The following CFAP44 variants were observed in gnomAD, a reference collection of about 807,000 sequenced individuals.
The protein encoded by CFAP44 is cilia and flagella associated protein 44.
Under a neutral mutation model 216.2 loss-of-function variants are expected in CFAP44, and 134 were observed. The observed-to-expected ratio is 0.62, with a 90% CI of 0.54 to 0.72. The LOEUF is 0.72. Among genes scored for constraint, CFAP44 ranks in the 30% least tolerant of loss-of-function variants. The pLI, the probability that CFAP44 is intolerant of heterozygous loss-of-function variation, is 0.00. For synonymous variants in CFAP44, 700 were observed against 727.6 expected, an observed-to-expected ratio of 0.96 and a Z score of 0.61; for missense variants, 2,035 against 2,182.1, an observed-to-expected ratio of 0.93 and a Z score of 1.34.
chr3:113,369,914 C>T (rs929873869), intron 18 of CFAP44, among the ~76,000 whole-genome samples: 1 of 152,144 alleles, frequency 6.6e-6, no homozygotes, highest in Non-Finnish European at 1.5e-5. Flanking sequence ...ACTGATCCCA[C>T]AGAAATACAA....
chr3:113,306,252 T>C lies in CFAP44; in HGVS notation c.4707A>G (p.Glu1569=). ...TTTTGAGGTTATCAACAATTTTCTT[T>C]TCTTCAACTAAAGCCTCCTCAATGT... is the stretch of plus-strand genomic sequence containing the variant. ...RLDIEEALVE[E]KKIVDNLKKE... is the part of the protein sequence containing the mutation. The change falls in exon 30 of 35, where the codon GAA becomes GAG. Residue 1569 remains glutamate, a synonymous_variant. Coordinates refer to ENST00000393845, the MANE Select transcript of CFAP44 (RefSeq NM_001164496.2). The C allele has an allele frequency of 1.3e-6, 2 of 1,537,084 alleles. No individual in the cohort carries two copies. The highest frequency in any genetic ancestry group is 8.7e-7 in the Non-Finnish European group (1 of 1,146,764).
rs76578466 is a variant in CFAP44, at chr3:113,395,096, A to G, written c.1890+654T>C. Among the ~76,000 whole-genome samples, 1,355 of 152,280 alleles carry G rather than the reference A, an allele frequency of 8.9e-3. 26 individuals are homozygous for G. The highest frequency in any genetic ancestry group is 0.031 in the African/African-American group (1,301 of 41,554). The stretch of plus-strand genomic sequence containing the variant: ...TAGAAAAGCTTAAAGTGGATTACCA[A>G]CGTTACTCCAATAATCCTGATGGCA... On this transcript the variant is annotated intron_variant, in intron 15 of 34. Transcript: ENST00000393845.
In CFAP44 at chr3:113,351,931, C is replaced by T. The variant is rs138323865; in HGVS notation, c.3065+6814G>A. 2.4e-3 allele frequency among the ~76,000 whole-genome samples: 369 copies of T among 152,274 alleles called. 3 individuals are homozygous for T. Among genetic ancestry groups the T allele is most frequent in the African/African-American group, 8.2e-3 (341 of 41,548 alleles). On this transcript the variant is annotated intron_variant, in intron 22 of 34. Transcript: ENST00000393845. ...CTCCTGGATTGACCCACTGGCCCTT[C>T]GGCTGACCTAGAGAGTTACCCTCTG...
rs1329830770 is a variant in CFAP44 at position 113,427,304 on chromosome 3, C to T, written c.136G>A (p.Asp46Asn). 6.2e-7 allele frequency: 1 copy of T among 1,611,674 alleles called. No homozygotes were observed. The highest frequency in any genetic ancestry group is 8.5e-7 in the Non-Finnish European group (1 of 1,179,094). Residue 46 changes from aspartate to asparagine, a missense_variant, in exon 3 of 35, where the codon GAC becomes AAC. By Grantham distance (23) the Asp-to-Asn change is conservative. Transcript: ENST00000393845. Reference protein sequence around the residue: ...VQEDNTFLEDDTDETFTKGEG... With the variant: ...VQEDNTFLEDNTDETFTKGEG... ...CCTTTGGTAAATGTTTCATCTGTGT[C>T]ATCTTCTAAAAATGTGTTATCTTCT...
chr3:113,332,488 T>C (rs184286585), intron 25 of CFAP44, among the ~76,000 whole-genome samples: 2 of 152,328 alleles, frequency 1.3e-5, no homozygotes, highest in Admixed American at 1.3e-4. Context: ...AATATAACCA[T>C]GATGTGATTG....
At chr3:113,408,256 G>C (rs1293048886) in intron 7 of CFAP44, among the ~76,000 whole-genome samples, 1 of 152,190 alleles carries the variant, frequency 6.6e-6, no homozygotes, top group Non-Finnish European at 1.5e-5. Context: ...AAGAAAGAGA[G>C]AGAAAGACAA....
At chr3:113,374,236 C>T (rs972377277) in intron 17 of CFAP44, among the ~76,000 whole-genome samples, 3 of 151,852 alleles carry the variant, frequency 2.0e-5, no homozygotes, top group African/African-American at 7.3e-5. Flanking sequence ...ACAACCAGAA[C>T]AAATTTTGTA....
chr3:113,341,851 T>G lies in CFAP44; in HGVS notation c.3330A>C (p.Leu1110=). The stretch of plus-strand genomic sequence containing the variant: ...TTTGATTTTCCACGATGATTTCACT[T>G]AGGGTTTTAGGCCGAAATTTCTTCC... ...EKGKKFRPKT[L]SEIIVENQIE... Residue 1110 remains leucine, a synonymous_variant, in exon 24 of 35, where the codon CTA becomes CTC. Coordinates refer to ENST00000393845, the MANE Select transcript of CFAP44 (RefSeq NM_001164496.2). 1 of 1,533,370 alleles carries G rather than the reference T, an allele frequency of 6.5e-7. No homozygotes were observed. The highest frequency in any genetic ancestry group is 1.2e-5 in the South Asian group (1 of 82,354). 95.0% of individuals were successfully genotyped at this position (1,533,370 alleles called of 1,614,324 possible).
intron 15 of CFAP44, among the ~76,000 whole-genome samples, chr3:113,389,366 G>A (rs1475850935): frequency 6.6e-6 from 1 of 152,022 alleles, no homozygotes; most frequent in Non-Finnish European, 1.5e-5. Flanking sequence ...ATGGTATACG[G>A]TGAAAGCAGT....
At chr3:113,353,581 C>G (rs565849030) in intron 22 of CFAP44, among the ~76,000 whole-genome samples, 2 of 152,140 alleles carry the variant, frequency 1.3e-5, no homozygotes, top group East Asian at 3.9e-4. Context: ...AACTTCTTCA[C>G]CACTTTCATC....
intron 24 of CFAP44, among the ~76,000 whole-genome samples, chr3:113,341,217 C>A (rs1303076738): frequency 1.3e-5 from 2 of 152,004 alleles, no homozygotes; most frequent in Non-Finnish European, 2.9e-5. Flanking sequence ...CCTGTCCTCA[C>A]CTAGGTCCGT....
chr3:113,364,927 A>T lies in CFAP44; in HGVS notation c.2715+1112T>A, dbSNP rs562986652. On this transcript the variant is annotated intron_variant, in intron 19 of 34. Transcript: ENST00000393845. Reference sequence around the variant, plus strand: ...TTAGTTGTTTTCTGTTGTTTTTTTTAAAAAAAATCTTTCTCATTTTTTCTT... The same window carrying T: ...TTAGTTGTTTTCTGTTGTTTTTTTTTAAAAAAATCTTTCTCATTTTTTCTT... 6.6e-4 allele frequency among the ~76,000 whole-genome samples: 98 copies of T among 148,530 alleles called. 1 individual carries two copies. The highest frequency in any genetic ancestry group is 6.8e-3 in the Middle Eastern group (2 of 292).
chr3:113,300,464 A>G (rs911274768), intron 32 of CFAP44, among the ~76,000 whole-genome samples: 3 of 129,592 alleles, frequency 2.3e-5, no homozygotes, highest in African/African-American at 8.4e-5. Flanking sequence ...AGAATATCCC[A>G]TATATCTTAT....
At chr3:113,375,142 T>C (rs1183070781) in intron 17 of CFAP44, among the ~76,000 whole-genome samples, 4 of 109,994 alleles carry the variant, frequency 3.6e-5, no homozygotes, top group African/African-American at 1.9e-4. Flanking sequence ...GTCAAAATCA[T>C]AAGAAAGAAA....
At chr3:113,328,308 C>CTTTTTTTTTTTTTTTTTTTTTTTTTTT (rs1553753817) in intron 26 of CFAP44, among the ~76,000 whole-genome samples, 2 of 148,928 alleles carry the variant, frequency 1.3e-5, no homozygotes, top group East Asian at 2.0e-4. Flanking sequence ...CAATCTCTTT[C>CTTTTTTTTTTTTTTTTTTTTTTTTTTT]TAAGATTGAA....
At chr3:113,403,737 G>T in intron 9 of CFAP44, 115 bp downstream of exon 9, 1 of 1,141,526 alleles carries the variant, frequency 8.8e-7, no homozygotes. Flanking sequence ...TTGGCCTTGG[G>T]AGTAAATGAC....
chr3:113,293,869 G>A (rs1166504449), intron 34 of CFAP44: 1 of 363,594 alleles, frequency 2.8e-6, no homozygotes, highest in African/African-American at 2.1e-5. Flanking sequence ...AGAATCCCCG[G>A]GAAGGCTGGT....
intron 18 of CFAP44, among the ~76,000 whole-genome samples, chr3:113,371,594 G>A (rs1273310601): frequency 6.6e-6 from 1 of 152,152 alleles, no homozygotes; most frequent in Admixed American, 6.5e-5. Context: ...ATAGATTAAA[G>A]ACTTAAATGT....
chr3:113,374,987 A>G (rs1933294325), intron 17 of CFAP44, among the ~76,000 whole-genome samples: 2 of 152,148 alleles, frequency 1.3e-5, no homozygotes, highest in Admixed American at 6.5e-5. Context: ...TACATACTTA[A>G]AGTGGAGTAT....
Sources: gnomAD v4.1 joint callset for allele counts (sites outside exome capture counted in the v4.1 genomes callset) on GRCh38, gnomAD v4.1.1 for gene constraint, MANE v1.5 for transcripts, NCBI Gene and HGNC (gene_info 2026-07-23, HGNC 2026-07-21) for gene names.